Variants in GPHN observed in about 807,000 individuals in gnomAD.
GPHN encodes the protein gephyrin.
GPHN carries 17 observed loss-of-function variants against 95.5 expected under a neutral mutation model. The observed-to-expected ratio is 0.18, with a 90% CI of 0.12 to 0.27. The LOEUF is 0.27. GPHN is among the 10% of genes least tolerant of loss of function. The pLI is 1.00. For missense variants in GPHN, 660 were observed against 978.1 expected (o/e 0.67, Z 4.34); for synonymous variants, 320 against 322.5 (o/e 0.99, Z 0.08).
chr14:67,589,897 T>C, the GPHN span: 21 of 1,264,328 alleles, frequency 1.7e-5, no homozygotes, highest in African/African-American at 1.7e-4. Context: ...GAAAACACTA[T>C]AATACACGGA....
At chr14:66,734,683 T>C (rs972284470) in intron 2 of GPHN, among the ~76,000 whole-genome samples, 1 of 152,188 alleles carries the variant, frequency 6.6e-6, no homozygotes, top group Non-Finnish European at 1.5e-5. Flanking sequence ...CCAGTCTTCT[T>C]AGTAAAGTCT....
intron 8 of GPHN, among the ~76,000 whole-genome samples, chr14:66,939,433 G>T (rs567644883): frequency 3.8e-4 from 58 of 152,088 alleles, no homozygotes; most frequent in Non-Finnish European, 7.9e-4. Context: ...CACATTGTAG[G>T]GTGAGTAGGG....
At chr14:66,683,401 T>TATATATGTTC (rs1566813036) in intron 2 of GPHN, among the ~76,000 whole-genome samples, 1 of 98,536 alleles carries the variant, frequency 1.0e-5, no homozygotes, top group South Asian at 3.4e-4. Flanking sequence ...TATGTTCATA[T>TATATATGTTC]ATATATATGT....
At chr14:67,035,114 C>A (rs1325425125) in intron 10 of GPHN, among the ~76,000 whole-genome samples, 1 of 151,558 alleles carries the variant, frequency 6.6e-6, no homozygotes, top group Non-Finnish European at 1.5e-5. Flanking sequence ...CTGGAAGATA[C>A]ACAAATATGT....
At chr14:67,694,451 T>TACAC in the GPHN span, among the ~76,000 whole-genome samples, 424 of 143,824 alleles carry the variant, frequency 2.9e-3, no homozygotes, top group South Asian at 0.013. Flanking sequence ...TATATATATA[T>TACAC]ACACACACAC....
chr14:66,861,961 A>C (rs2063040637), intron 4 of GPHN, among the ~76,000 whole-genome samples: 1 of 152,036 alleles, frequency 6.6e-6, no homozygotes, highest in African/African-American at 2.4e-5. Flanking sequence ...AAAACCCAAA[A>C]GTAGTAGAGG....
In GPHN at chr14:66,919,099, G is replaced by A. The variant is rs532583896; in HGVS notation, c.456+3030G>A. 1.9e-3 allele frequency among the ~76,000 whole-genome samples: 295 copies of A among 152,202 alleles called. 2 individuals are homozygous for A. The highest frequency in any genetic ancestry group is 3.4e-3 in the Middle Eastern group (1 of 294). ...CAGCAGCAGATTATATTAACTTTAT[G>A]CAGTGCTCTTTGCAAGCTTATTTTA... On this transcript the variant is annotated intron_variant, in intron 6 of 22. Transcript: ENST00000478722.
At chr14:66,702,368 A>G (rs1006295985) in intron 2 of GPHN, among the ~76,000 whole-genome samples, 1 of 152,206 alleles carries the variant, frequency 6.6e-6, no homozygotes, top group Non-Finnish European at 1.5e-5. Context: ...GGGATTGTCA[A>G]AAACCCTATA....
intron 1 of GPHN, among the ~76,000 whole-genome samples, chr14:66,567,624 T>A (rs1437223590): frequency 6.6e-6 from 1 of 152,240 alleles, no homozygotes; most frequent in Non-Finnish European, 1.5e-5. Flanking sequence ...TAGGGAATGA[T>A]AATCTCATAA....
chr14:67,727,573 C>A, the GPHN span: 1 of 282,384 alleles, frequency 3.5e-6, no homozygotes, highest in African/African-American at 2.3e-5. Context: ...ACCTCTGCCT[C>A]CTGGGTTCAA....
intron 1 of GPHN, among the ~76,000 whole-genome samples, chr14:66,591,854 C>T (rs1268252220): frequency 6.6e-6 from 1 of 152,134 alleles, no homozygotes; most frequent in Non-Finnish European, 1.5e-5. Flanking sequence ...CCAAGACAAT[C>T]CTAAGCAAAA....
the GPHN span, among the ~76,000 whole-genome samples, chr14:67,393,785 G>A: frequency 2.6e-5 from 4 of 152,138 alleles, no homozygotes; most frequent in South Asian, 2.1e-4. Context: ...TGCATACCAC[G>A]GTGTTCCCAT....
chr14:66,725,343 A>G (rs761108055), intron 2 of GPHN, among the ~76,000 whole-genome samples: 1 of 152,202 alleles, frequency 6.6e-6, no homozygotes, highest in Non-Finnish European at 1.5e-5. Flanking sequence ...TGATATAGAT[A>G]GGTCTTTATT....
the GPHN span, among the ~76,000 whole-genome samples, chr14:67,273,992 G>C: frequency 6.6e-6 from 1 of 152,118 alleles, no homozygotes; most frequent in Non-Finnish European, 1.5e-5. Context: ...TTGGAAATTT[G>C]TTTAAGTTCT....
At chr14:67,089,125 C>CTTTTTTTTTTT (rs1264164364) in intron 12 of GPHN, 50 bp downstream of exon 12, 20 of 329,532 alleles carry the variant, frequency 6.1e-5, no homozygotes, top group Middle Eastern at 7.1e-4. Context: ...ATTTTTTTTT[C>CTTTTTTTTTTT]TTTTTTTCTT....
At chr14:67,511,370 A>C in the GPHN span, among the ~76,000 whole-genome samples, 13 of 151,894 alleles carry the variant, frequency 8.6e-5, no homozygotes, top group Non-Finnish European at 1.8e-4. Context: ...AACAAAAAAA[A>C]CTGTCATGCT....
intron 9 of GPHN, among the ~76,000 whole-genome samples, chr14:66,975,696 A>G (rs1313185648): frequency 6.6e-6 from 1 of 151,862 alleles, no homozygotes; most frequent in African/African-American, 2.4e-5. Context: ...CCTGGGCAAC[A>G]TAGTGAGACC....
chr14:67,050,820 A>G (rs2075272668), intron 10 of GPHN, among the ~76,000 whole-genome samples: 2 of 151,418 alleles, frequency 1.3e-5, no homozygotes, highest in Non-Finnish European at 2.9e-5. Flanking sequence ...GGTGCAACCC[A>G]TGGTAAGTGA....
intron 10 of GPHN, among the ~76,000 whole-genome samples, chr14:67,033,614 A>G (rs1231359476): frequency 6.6e-6 from 1 of 152,146 alleles, no homozygotes; most frequent in Non-Finnish European, 1.5e-5. Context: ...TTTGTGGACC[A>G]GTGTATACAT....
Sources: allele counts gnomAD v4.1 joint callset (sites outside exome capture counted in the v4.1 genomes callset), GRCh38; gene constraint gnomAD v4.1.1; transcripts MANE v1.5; gene names NCBI Gene and HGNC (gene_info 2026-07-23, HGNC 2026-07-21).